SPTB: variants seen among roughly 807,000 people sequenced by gnomAD.
SPTB encodes spectrin beta chain, erythrocytic.
SPTB carries 45 observed loss-of-function variants against 256.2 expected under a neutral mutation model. That is an observed-to-expected ratio of 0.18 (90% confidence interval 0.14 to 0.23). The LOEUF (loss-of-function observed/expected upper bound fraction) is 0.23. Among genes scored for constraint, SPTB ranks in the 10% least tolerant of loss-of-function variants. The probability of loss-of-function intolerance (pLI) is 1.00; values close to 1 mark genes in which losing one functional copy is unlikely to be tolerated. For missense variants in SPTB, 2,715 were observed against 3,040.4 expected (o/e 0.89, Z 2.52); for synonymous variants, 1,231 against 1,243.1 (o/e 0.99, Z 0.21).
chr14:64,837,350 C>T (rs184173856), intron 1 of SPTB, among the ~76,000 whole-genome samples: 87 of 152,292 alleles, frequency 5.7e-4, no homozygotes, highest in African/African-American at 2.1e-3. Context: ...CAACTATTTA[C>T]TCAACAACAG....
intron 1 of SPTB, among the ~76,000 whole-genome samples, chr14:64,868,689 G>A (rs181863274): frequency 6.6e-6 from 1 of 152,240 alleles, no homozygotes. Flanking sequence ...AGAGAGGGCA[G>A]AGGTTCAATG....
intron 29 of SPTB, chr14:64,768,112 G>C (rs1039519695): frequency 3.6e-6 from 2 of 548,014 alleles, no homozygotes; most frequent in Admixed American, 3.0e-5. Context: ...TGTGATTATG[G>C]CTCATGGCAG....
Position 64,777,791 on chromosome 14 carries a change from C to T in SPTB, c.4563+1366G>A, listed in dbSNP as rs1057016648. ...GATAAAATTGGATTTATGGTTTAGC[C>T]AGGTGAGCCTAAAATAGTCTTCATT... On this transcript the variant is annotated intron_variant, in intron 22 of 35. Transcript: ENST00000644917. The surrounding 1 kb of genome is among the most constrained non-coding windows in gnomAD (Gnocchi z 4.5). Among the ~76,000 whole-genome samples the T allele has an allele frequency of 6.6e-6, 1 of 152,164 alleles. No individual in the cohort carries two copies. The highest frequency in any genetic ancestry group is 1.5e-5 in the Non-Finnish European group (1 of 68,036).
At chr14:64,869,612 A>AT (rs35674223) in intron 1 of SPTB, among the ~76,000 whole-genome samples, 103,674 of 135,074 alleles carry the variant, frequency 0.77, 41,645 homozygotes, top group Non-Finnish European at 0.88. Context: ...GCTTGGTCAG[A>AT]TTTTTTAAAT....
At chr14:64,812,400 A>C (rs4049) in intron 2 of SPTB, among the ~76,000 whole-genome samples, 17,024 of 152,116 alleles carry the variant, frequency 0.11, 1,635 homozygotes, top group African/African-American at 0.25. Flanking sequence ...AAAAGGAGAG[A>C]GCAAGGCTGA....
chr14:64,879,218 C>CG (rs1207439916), intron 1 of SPTB, among the ~76,000 whole-genome samples: 1 of 152,168 alleles, frequency 6.6e-6, no homozygotes, highest in East Asian at 1.9e-4. Context: ...TCGGTCTACA[C>CG]GGGGTCACTC....
chr14:64,758,277 T>C lies in SPTB; in HGVS notation c.6346-4484A>G, dbSNP rs150583642. On this transcript the variant is annotated intron_variant, in intron 32 of 35. Coordinates refer to ENST00000644917, the MANE Select transcript of SPTB (RefSeq NM_001355436.2). This position sits in a 1 kb window ranked among gnomAD's most constrained non-coding sequence, Gnocchi z 4.6. ...ATGCTCAGGACTGAGAAATGGGGAA[T>C]GGGAATCTCAGCCACTGGCAGGCAA... Among the ~76,000 whole-genome samples, 531 of 152,320 alleles carry C rather than the reference T, an allele frequency of 3.5e-3. No individual in the cohort carries two copies. Among genetic ancestry groups the C allele is most frequent in the African/African-American group, 0.012 (504 of 41,564 alleles).
Position 64,747,661 on chromosome 14 carries a change from C to G in SPTB, c.*1645G>C, listed in dbSNP as rs532205422. 8.5e-5 allele frequency: 13 copies of G among 152,348 alleles called. No individual in the cohort carries two copies. The highest frequency in any genetic ancestry group is 2.9e-4 in the African/African-American group (12 of 41,546). 9.4% of individuals were successfully genotyped at this position (152,348 alleles called of 1,614,324 possible). A position where few individuals can be genotyped will look rare whatever the true frequency, so the allele number is the denominator to read the frequency against. ...AGGGGGCCTCATTCTGGATGCCTGC[C>G]CCTGTGGCTTCTACCTGAACCTCAC... On this transcript the variant is annotated 3_prime_UTR_variant, in exon 36 of 36. Coordinates refer to ENST00000644917, the MANE Select transcript of SPTB (RefSeq NM_001355436.2).
At position 64,778,005 on chromosome 14, in the gene SPTB, A is replaced by G. The variant is rs2082392098; in HGVS notation, c.4563+1152T>C. 6.6e-6 allele frequency among the ~76,000 whole-genome samples: 1 copy of G among 152,186 alleles called. No individual in the cohort carries two copies. Among genetic ancestry groups the G allele is most frequent in the Non-Finnish European group, 1.5e-5 (1 of 68,032 alleles). ...GTGTTGGAAAGACTAGAGTTGGCTC[A>G]TTTTACAATTAAGGAAACTGAGGTC... On this transcript the variant is annotated intron_variant, in intron 22 of 35. Transcript: ENST00000644917. The surrounding 1 kb of genome is among the most constrained non-coding windows in gnomAD (Gnocchi z 5.2).
Position 64,758,794 on chromosome 14 carries a change from G to C in SPTB, c.6346-5001C>G, listed in dbSNP as rs2082052531. Among the ~76,000 whole-genome samples, 1 of 152,190 alleles carries C rather than the reference G, an allele frequency of 6.6e-6. No homozygotes were observed. Among genetic ancestry groups the C allele is most frequent in the Admixed American group, 6.5e-5 (1 of 15,274 alleles). ...GGCTCCTTGCTCACGGGGGAGGAGGGGTGTGGGAGCCTGACACAGCCCTGC... is the reference window on the plus strand; with the variant it reads ...GGCTCCTTGCTCACGGGGGAGGAGGCGTGTGGGAGCCTGACACAGCCCTGC... On this transcript the variant is annotated intron_variant, in intron 32 of 35. Transcript: ENST00000644917. This position sits in a 1 kb window ranked among gnomAD's most constrained non-coding sequence, Gnocchi z 4.6.
chr14:64,795,631 A>G lies in SPTB; in HGVS notation c.1350T>C (p.Phe450=), dbSNP rs140380323. 5.2e-4 allele frequency: 842 copies of G among 1,613,838 alleles called. 5 individuals carry two copies. The African/African-American group carries it at 0.01, about 19-fold the overall frequency. ...CCTCCACAGCTGCCAGGTCATACCC[A>G]AAGTTATCCTGCCCCACCGGGAGAA... ...ENQRLVAQDN[F]GYDLAAVEAA... is the part of the protein sequence containing the mutation. The change falls in exon 12 of 36, where the codon TTT becomes TTC. Residue 450 remains phenylalanine, a synonymous_variant. Coordinates refer to ENST00000644917, the MANE Select transcript of SPTB (RefSeq NM_001355436.2). This position sits in a 1 kb window ranked among gnomAD's most constrained non-coding sequence, Gnocchi z 6.5.
chr14:64,844,183 G>A lies in SPTB; in HGVS notation c.-51-21038C>T, dbSNP rs2083651040. 6.6e-6 allele frequency among the ~76,000 whole-genome samples: 1 copy of A among 151,938 alleles called. No individual in the cohort carries two copies. Among genetic ancestry groups the A allele is most frequent in the African/African-American group, 2.4e-5 (1 of 41,338 alleles). ...CATGATCTCCAAGAGTGCTTAGCAG[G>A]AGTCATGGAGAAAAAAAAAATGAGA... is the stretch of plus-strand genomic sequence containing the variant. On this transcript the variant is annotated intron_variant, in intron 1 of 35. Coordinates refer to ENST00000644917, the MANE Select transcript of SPTB (RefSeq NM_001355436.2). The surrounding 1 kb of genome is among the most constrained non-coding windows in gnomAD (Gnocchi z 4.1).
At chr14:64,773,021 C>A in intron 25 of SPTB, 67 bp from the exon 26 acceptor site, 1 of 1,580,088 alleles carries the variant, frequency 6.3e-7, no homozygotes, top group Non-Finnish European at 8.6e-7. Flanking sequence ...ACCAGCTTAG[C>A]CAAAGACTTT....
intron 1 of SPTB, among the ~76,000 whole-genome samples, chr14:64,865,528 G>A (rs1882123478): frequency 6.6e-6 from 1 of 152,076 alleles, no homozygotes; most frequent in Non-Finnish European, 1.5e-5. Flanking sequence ...CATTTTCTGA[G>A]CGTTTTCTGG....
intron 32 of SPTB, among the ~76,000 whole-genome samples, chr14:64,765,943 TG>T: frequency 6.8e-6 from 1 of 146,878 alleles, no homozygotes; most frequent in Non-Finnish European, 1.5e-5. Context: ...TGTGTGTGGG[TG>T]TGAGTGTGTG....
rs977209327 is a variant in SPTB, at chr14:64,790,696, G to A, written c.2804+1023C>T. The stretch of plus-strand genomic sequence containing the variant: ...CACCTCCCAGATTGCCTCAGGCAGA[G>A]CAACGCTCAGGCACAGGTGTGGGGA... On this transcript the variant is annotated intron_variant, in intron 15 of 35. Transcript: ENST00000644917. This position sits in a 1 kb window ranked among gnomAD's most constrained non-coding sequence, Gnocchi z 4.8. 6.6e-6 allele frequency among the ~76,000 whole-genome samples: 1 copy of A among 152,228 alleles called. No homozygotes were observed. Among genetic ancestry groups the A allele is most frequent in the Admixed American group, 6.5e-5 (1 of 15,292 alleles).
intron 1 of SPTB, among the ~76,000 whole-genome samples, chr14:64,833,633 C>T (rs1340575222): frequency 6.6e-6 from 1 of 152,052 alleles, no homozygotes. Context: ...CTTTTGTGTT[C>T]CCATCACTCT....
rs549558345 is a variant in SPTB, at chr14:64,802,410, C to G, written c.475-93G>C. 2.5e-6 allele frequency: 3 copies of G among 1,187,366 alleles called. No individual in the cohort carries two copies. The highest frequency in any genetic ancestry group is 1.3e-5 in the South Asian group (1 of 77,798). The allele number at this position is 1,187,366 out of a possible 1,614,324, so 73.6% of individuals were successfully genotyped here. ...CTGGGAGGCTCCCTCCCTCATCCCC[C>G]CTTCACTTAACACTAATTCATCCTT... On this transcript the variant is annotated intron_variant, in intron 4 of 35. Coordinates refer to ENST00000644917, the MANE Select transcript of SPTB (RefSeq NM_001355436.2). This position sits in a 1 kb window ranked among gnomAD's most constrained non-coding sequence, Gnocchi z 5.1.
chr14:64,823,416 C>T lies in SPTB; in HGVS notation c.-51-271G>A, dbSNP rs528247875. Reference sequence around the variant, plus strand: ...ACGGCCAGCAGGTGGAGACGTCAGTCGCAGCCAGCTGCTTCCTCCAGACCA... The same window carrying T: ...ACGGCCAGCAGGTGGAGACGTCAGTTGCAGCCAGCTGCTTCCTCCAGACCA... On this transcript the variant is annotated intron_variant, in intron 1 of 35. Transcript: ENST00000644917. The surrounding 1 kb of genome is among the most constrained non-coding windows in gnomAD (Gnocchi z 6.5). Among the ~76,000 whole-genome samples the T allele has an allele frequency of 1.9e-3, 290 of 152,318 alleles. No homozygotes were observed. The highest frequency in any genetic ancestry group is 6.8e-3 in the African/African-American group (281 of 41,562).
Sources: gnomAD v4.1 joint callset for allele counts (sites outside exome capture counted in the v4.1 genomes callset) on GRCh38, gnomAD v4.1.1 for gene constraint, Gnocchi (gnomAD v3.1) non-coding constraint, MANE v1.5 for transcripts, NCBI Gene and HGNC (gene_info 2026-07-23, HGNC 2026-07-21) for gene names.